Variants in CDH13 observed in about 807,000 individuals in gnomAD.
CDH13 encodes the protein cadherin-13.
Under a neutral mutation model 63.8 loss-of-function variants are expected in CDH13, and 24 were observed. The ratio of observed to expected loss-of-function variants is 0.38; its 90% CI spans 0.27 to 0.53. CDH13 has a LOEUF of 0.53. Among genes scored for constraint, CDH13 ranks in the 20% least tolerant of loss-of-function variants. The pLI, the probability that CDH13 is intolerant of heterozygous loss-of-function variation, is 0.85. For synonymous variants in CDH13, 503 were observed against 355.3 expected (o/e 1.42, Z -4.67); for missense variants, 1,049 against 903.1 (o/e 1.16, Z -2.07).
intron 6 of CDH13, among the ~76,000 whole-genome samples, chr16:83,383,851 A>G (rs1376119300): frequency 1.3e-5 from 2 of 152,162 alleles, no homozygotes; most frequent in African/African-American, 4.8e-5. Flanking sequence ...GGTGGTCTTT[A>G]GAAATCAGTG....
chr16:83,191,528 C>CATATATATATATAT (rs1479803621), intron 4 of CDH13, among the ~76,000 whole-genome samples: 221 of 70,030 alleles, frequency 3.2e-3, no homozygotes, highest in East Asian at 7.3e-3. Flanking sequence ...CACACACACA[C>CATATATATATATAT]ACATATATAT....
chr16:83,001,783 G>A (rs1258230735), intron 2 of CDH13, among the ~76,000 whole-genome samples: 2 of 152,196 alleles, frequency 1.3e-5, no homozygotes, highest in Non-Finnish European at 2.9e-5. Context: ...TGTCCAGGTG[G>A]TGGGATACAG....
chr16:83,782,625 A>G (rs1362148639), intron 12 of CDH13, among the ~76,000 whole-genome samples: 1 of 151,636 alleles, frequency 6.6e-6, no homozygotes, highest in African/African-American at 2.4e-5. Flanking sequence ...AATCCCAGCT[A>G]CTCGGGAGGC....
At chr16:83,339,381 A>G (rs1431438166) in intron 5 of CDH13, among the ~76,000 whole-genome samples, 1 of 152,184 alleles carries the variant, frequency 6.6e-6, no homozygotes, top group Non-Finnish European at 1.5e-5. Context: ...TTAAGTTATT[A>G]TAAATGTAAA....
chr16:83,236,025 T>C (rs1328862229), intron 5 of CDH13, among the ~76,000 whole-genome samples: 1 of 152,198 alleles, frequency 6.6e-6, no homozygotes, highest in Non-Finnish European at 1.5e-5. Context: ...TAATTTGCAT[T>C]TAAATGCGTT....
chr16:83,075,429 C>T (rs1048580210), intron 3 of CDH13, among the ~76,000 whole-genome samples: 3 of 152,176 alleles, frequency 2.0e-5, no homozygotes, highest in Admixed American at 1.3e-4. Context: ...CAGTCATTTT[C>T]CTGTCTTAAC....
chr16:82,835,963 C>T (rs150730876), intron 1 of CDH13, among the ~76,000 whole-genome samples: 35 of 152,264 alleles, frequency 2.3e-4, no homozygotes, highest in African/African-American at 7.5e-4. Context: ...AAAGTCTCAT[C>T]GCTCAGGTCT....
chr16:83,180,781 G>T (rs1344200091), intron 4 of CDH13: 1 of 874,182 alleles, frequency 1.1e-6, no homozygotes, highest in Admixed American at 2.3e-5. Flanking sequence ...ACAAACAAAG[G>T]CTGCTTAATC....
intron 7 of CDH13, among the ~76,000 whole-genome samples, chr16:83,507,027 A>G (rs1317183611): frequency 6.6e-6 from 1 of 152,140 alleles, no homozygotes; most frequent in Admixed American, 6.5e-5. Flanking sequence ...GTTTGGGGTA[A>G]TTTTATTCAG....
intron 7 of CDH13, among the ~76,000 whole-genome samples, chr16:83,489,620 C>A (rs1036910464): frequency 6.6e-6 from 1 of 152,126 alleles, no homozygotes; most frequent in South Asian, 2.1e-4. Context: ...GTGGAGTTCC[C>A]CAGAGTTTGC....
chr16:82,844,139 C>T (rs2549143), intron 1 of CDH13, among the ~76,000 whole-genome samples: 147,556 of 152,234 alleles, frequency 0.97, 71,693 homozygotes, highest in East Asian at 1. Flanking sequence ...CACAAGCTTA[C>T]AGAAGGGAAG....
intron 3 of CDH13, among the ~76,000 whole-genome samples, chr16:83,080,609 C>A (rs912370217): frequency 6.6e-6 from 1 of 152,094 alleles, no homozygotes; most frequent in Admixed American, 6.6e-5. Flanking sequence ...TTTAAGTAAC[C>A]TGTCCAGTGT....
intron 2 of CDH13, among the ~76,000 whole-genome samples, chr16:82,964,552 C>T (rs555111474): frequency 6.6e-5 from 10 of 152,270 alleles, no homozygotes; most frequent in African/African-American, 1.9e-4. Context: ...TGTTTCCATC[C>T]GCCACGTGGA....
At chr16:83,328,740 G>A (rs1051056894) in intron 5 of CDH13, among the ~76,000 whole-genome samples, 9 of 152,124 alleles carry the variant, frequency 5.9e-5, no homozygotes, top group Non-Finnish European at 1.3e-4. Flanking sequence ...CCTGTTAGCA[G>A]GCTTTAGGCT....
chr16:82,670,191 C>T (rs1913071792), intron 1 of CDH13, among the ~76,000 whole-genome samples: 1 of 152,156 alleles, frequency 6.6e-6, no homozygotes, highest in Non-Finnish European at 1.5e-5. Context: ...CAGAAATTTT[C>T]CAGCTGCATC....
intron 5 of CDH13, among the ~76,000 whole-genome samples, chr16:83,318,887 C>G (rs2090162028): frequency 6.6e-6 from 1 of 152,008 alleles, no homozygotes; most frequent in Admixed American, 6.6e-5. Flanking sequence ...GCTAGAAAAT[C>G]AGAGATAGGG....
intron 2 of CDH13, among the ~76,000 whole-genome samples, chr16:83,026,320 G>C (rs1233858522): frequency 6.6e-6 from 1 of 152,216 alleles, no homozygotes; most frequent in African/African-American, 2.4e-5. Flanking sequence ...GAACAGATCA[G>C]AGAAGGTTCT....
At chr16:83,023,127 C>G (rs1718249765) in intron 2 of CDH13, 2 of 152,216 alleles carry the variant, frequency 1.3e-5, no homozygotes, top group African/African-American at 2.4e-5. Flanking sequence ...ATTCACATGT[C>G]AAACTTGCCA....
chr16:83,511,107 C>CGCAT (rs2074549769), intron 7 of CDH13, among the ~76,000 whole-genome samples: 1 of 106,408 alleles, frequency 9.4e-6, no homozygotes, highest in Non-Finnish European at 1.9e-5. Context: ...CACACATGCA[C>CGCAT]GCATGCACAC....
Sources: allele counts gnomAD v4.1 joint callset (sites outside exome capture counted in the v4.1 genomes callset), GRCh38; gene constraint gnomAD v4.1.1; transcripts MANE v1.5; gene names NCBI Gene and HGNC (gene_info 2026-07-23, HGNC 2026-07-21).